Variants in NDST3 observed in about 807,000 individuals in gnomAD.
The protein encoded by NDST3 is N-deacetylase and N-sulfotransferase 3.
A neutral mutation model predicts 96.1 loss-of-function variants in NDST3; 58 were observed. The ratio of observed to expected loss-of-function variants is 0.60; its 90% CI spans 0.49 to 0.75. The LOEUF (loss-of-function observed/expected upper bound fraction) is 0.75. NDST3 is among the 30% of genes least tolerant of loss of function. NDST3 has a pLI of 0.00. For synonymous variants in NDST3, 333 were observed against 359.7 expected (o/e 0.93, Z 0.84); for missense variants, 788 against 1,034.2 (o/e 0.76, Z 3.27).
chr4:118,196,948 T>G (rs1737733839), intron 6 of NDST3, among the ~76,000 whole-genome samples: 1 of 151,722 alleles, frequency 6.6e-6, no homozygotes. Flanking sequence ...TTTGAAGTTT[T>G]TTTTTTTTTT....
At chr4:118,163,838 C>T (rs893055422) in intron 6 of NDST3, among the ~76,000 whole-genome samples, 1 of 151,840 alleles carries the variant, frequency 6.6e-6, no homozygotes. Flanking sequence ...ACTAAAAAGT[C>T]AAAAAATAAC....
At position 118,072,364 on chromosome 4, in the gene NDST3, C is replaced by T. The variant is rs567213421; in HGVS notation, c.981+17473C>T. On this transcript the variant is annotated intron_variant, in intron 2 of 13. Transcript: ENST00000296499. ...TATTGATTCTTCCTATTCATGAGCA[C>T]GGAATGCTATTCCTTTCTTTGTGTT... 9.2e-5 allele frequency among the ~76,000 whole-genome samples: 14 copies of T among 152,034 alleles called. 1 individual carries two copies. Among genetic ancestry groups the T allele is most frequent in the South Asian group, 2.1e-4 (1 of 4,822 alleles).
intron 4 of NDST3, among the ~76,000 whole-genome samples, chr4:118,131,707 T>C (rs987610265): frequency 6.6e-6 from 1 of 152,128 alleles, no homozygotes; most frequent in African/African-American, 2.4e-5. Context: ...CTATAGACTT[T>C]GCAGTCTGGG....
At position 118,254,050 on chromosome 4, in the gene NDST3, G is replaced by T. The variant is rs186370142; in HGVS notation, c.2502+449G>T. 7.2e-5 allele frequency among the ~76,000 whole-genome samples: 11 copies of T among 152,118 alleles called. No homozygotes were observed. In the South Asian group the frequency reaches 1.2e-3, roughly 17 times the overall value. Reference sequence around the variant, plus strand: ...GAGGTCAGGAGTTCGAGACCAGCCTGGCCAACATGATAAAACCCCATCTCT... The same window carrying T: ...GAGGTCAGGAGTTCGAGACCAGCCTTGCCAACATGATAAAACCCCATCTCT... On this transcript the variant is annotated intron_variant, in intron 13 of 13. Coordinates refer to ENST00000296499, the MANE Select transcript of NDST3 (RefSeq NM_004784.3).
intron 6 of NDST3, among the ~76,000 whole-genome samples, chr4:118,220,555 C>T (rs932545236): frequency 7.9e-5 from 12 of 151,818 alleles, no homozygotes; most frequent in African/African-American, 2.7e-4. Flanking sequence ...CCATGGCAAA[C>T]GTATACCTAG....
chr4:118,037,858 G>A (rs1724235099), intron 1 of NDST3, among the ~76,000 whole-genome samples: 1 of 152,158 alleles, frequency 6.6e-6, no homozygotes, highest in African/African-American at 2.4e-5. Flanking sequence ...CTTTATTGAT[G>A]TGTCCATAGA....
intron 6 of NDST3, among the ~76,000 whole-genome samples, chr4:118,151,739 GT>G (rs1560681443): frequency 6.6e-6 from 1 of 152,110 alleles, no homozygotes; most frequent in Admixed American, 6.5e-5. Context: ...TTAAAAAACA[GT>G]AAGAATTAAT....
Position 118,114,829 on chromosome 4 carries a change from G to C in NDST3, c.1093G>C (p.Asp365His), listed in dbSNP as rs767820670. 1.9e-6 allele frequency: 3 copies of C among 1,614,052 alleles called. No individual in the cohort carries two copies. Among genetic ancestry groups the C allele is most frequent in the Non-Finnish European group, 2.5e-6 (3 of 1,179,944 alleles). ...AGGAACTGAAGAGGAAGATGAAGGA[G>C]ATGACTGTCTGTTGGGGTCTGTGGA... ...HTGTEEEDEG[D>H]DCLLGSVDEF... The change falls in exon 4 of 14, where the codon GAT (aspartate) becomes CAT (histidine). Residue 365 changes from aspartate (D) to histidine (H), a missense_variant. This residue lies in a region of NDST3 where 490 missense variants were observed against 708.8 expected (regional missense o/e 0.69). Coordinates refer to ENST00000296499, the MANE Select transcript of NDST3 (RefSeq NM_004784.3).
intron 2 of NDST3, among the ~76,000 whole-genome samples, chr4:118,089,321 A>G (rs922266383): frequency 6.6e-6 from 1 of 151,914 alleles, no homozygotes; most frequent in Non-Finnish European, 1.5e-5. Context: ...ATCATTTACT[A>G]CATTTTTTTG....
chr4:118,046,479 G>T (rs1449638676), intron 1 of NDST3, among the ~76,000 whole-genome samples: 1 of 152,210 alleles, frequency 6.6e-6, no homozygotes, highest in African/African-American at 2.4e-5. Flanking sequence ...TGTGGAACTG[G>T]ATCATGTCTG....
intron 3 of NDST3, among the ~76,000 whole-genome samples, chr4:118,111,700 CA>C (rs2125860536): frequency 6.6e-6 from 1 of 152,122 alleles, no homozygotes; most frequent in East Asian, 1.9e-4. Context: ...CCATGCCTGG[CA>C]AAATTTTTTT....
chr4:118,198,773 G>A (rs150104083), intron 6 of NDST3, among the ~76,000 whole-genome samples: 6,033 of 146,680 alleles, frequency 0.041, 173 homozygotes, highest in Non-Finnish European at 0.057. Context: ...CTTTTTTTTT[G>A]TCTAGGAAAG....
At chr4:118,238,150 G>T (rs1338533941) in intron 10 of NDST3, among the ~76,000 whole-genome samples, 1 of 55,632 alleles carries the variant, frequency 1.8e-5, no homozygotes, top group Non-Finnish European at 4.4e-5. Context: ...AGAGAGAAAA[G>T]AAAGAAAAGA....
At chr4:118,114,739 T>G (rs148369117) in intron 3 of NDST3, 67 bp from the exon 4 acceptor site, 50 of 1,489,314 alleles carry the variant, frequency 3.4e-5, no homozygotes, top group Non-Finnish European at 4.5e-5. Flanking sequence ...ATTAAATAGA[T>G]AAGTAGATTG....
chr4:118,252,799 G>A (rs1471599396), intron 12 of NDST3, among the ~76,000 whole-genome samples: 1 of 152,186 alleles, frequency 6.6e-6, no homozygotes, highest in Admixed American at 6.5e-5. Context: ...GCTGAGGGAG[G>A]AGAATCACTT....
intron 9 of NDST3, among the ~76,000 whole-genome samples, chr4:118,235,915 T>C (rs901111688): frequency 3.9e-5 from 6 of 152,196 alleles, no homozygotes; most frequent in East Asian, 3.9e-4. Flanking sequence ...CAGCTAAGCT[T>C]TGCAATATGT....
rs576797600 is a variant in NDST3 at position 118,124,544 on chromosome 4, G to A, written c.1224+9584G>A. Among the ~76,000 whole-genome samples, 10 of 152,104 alleles carry A rather than the reference G, an allele frequency of 6.6e-5. No homozygotes were observed. In the East Asian group the frequency reaches 1.5e-3, roughly 24 times the overall value. Reference sequence around the variant, plus strand: ...AGGGTCCTGGGACCAATGAAGAGAAGCACTGAGATTGAGCCGGGGACTCAA... The same window carrying A: ...AGGGTCCTGGGACCAATGAAGAGAAACACTGAGATTGAGCCGGGGACTCAA... On this transcript the variant is annotated intron_variant, in intron 4 of 13. Coordinates refer to ENST00000296499, the MANE Select transcript of NDST3 (RefSeq NM_004784.3).
intron 3 of NDST3, among the ~76,000 whole-genome samples, chr4:118,107,420 C>A (rs1281411559): frequency 6.6e-6 from 1 of 151,908 alleles, no homozygotes; most frequent in Non-Finnish European, 1.5e-5. Flanking sequence ...TATTGGTATA[C>A]TCATATAATG....
rs564989117 is a variant in NDST3 at position 118,178,257 on chromosome 4, C to G, written c.1539+34573C>G. Among the ~76,000 whole-genome samples, 9 of 152,088 alleles carry G rather than the reference C, an allele frequency of 5.9e-5. No homozygotes were observed. In the South Asian group the frequency reaches 1.7e-3, roughly 28 times the overall value. On this transcript the variant is annotated intron_variant, in intron 6 of 13. Transcript: ENST00000296499. ...AACTCAGTAGTGTCAAGCACATTCACATTGTTGTGACACAGGTCTCCAAAA... is the reference window on the plus strand; with the variant it reads ...AACTCAGTAGTGTCAAGCACATTCAGATTGTTGTGACACAGGTCTCCAAAA...
Sources: gnomAD v4.1 joint callset for allele counts (sites outside exome capture counted in the v4.1 genomes callset) on GRCh38, gnomAD v4.1.1 for gene constraint, gnomAD v4.1.1 regional missense constraint, MANE v1.5 for transcripts, NCBI Gene and HGNC (gene_info 2026-07-23, HGNC 2026-07-21) for gene names.